EPHA3: variants seen among roughly 807,000 people sequenced by gnomAD.
EPHA3 encodes EPH receptor A3, also known as ephrin type-A receptor 3.
In EPHA3, 42 loss-of-function variants were observed where a neutral mutation model predicts 107.1. The ratio of observed to expected loss-of-function variants is 0.39; its 90% CI spans 0.31 to 0.51. The LOEUF is 0.51. EPHA3 is among the 20% of genes least tolerant of loss of function. The pLI, the probability that EPHA3 is intolerant of heterozygous loss-of-function variation, is 0.78. For synonymous variants in EPHA3, 461 were observed against 424.8 expected, an observed-to-expected ratio of 1.09 and a Z score of -1.05; for missense variants, 1,183 against 1,211.2, an observed-to-expected ratio of 0.98 and a Z score of 0.35.
intron 15 of EPHA3, among the ~76,000 whole-genome samples, chr3:89,452,872 C>T (rs377564808): frequency 9.2e-5 from 14 of 152,002 alleles, no homozygotes; most frequent in African/African-American, 3.4e-4. Flanking sequence ...TGCACATTAC[C>T]TGTTTTTTAC....
At chr3:89,320,906 C>G (rs1438527255) in intron 3 of EPHA3, among the ~76,000 whole-genome samples, 1 of 151,970 alleles carries the variant, frequency 6.6e-6, no homozygotes, top group Non-Finnish European at 1.5e-5. Context: ...ATTCCTAAGA[C>G]AGAATCAATA....
intron 5 of EPHA3, among the ~76,000 whole-genome samples, chr3:89,359,674 T>A (rs894644974): frequency 4.1e-5 from 3 of 73,164 alleles, no homozygotes; most frequent in African/African-American, 5.8e-5. Context: ...CATTATATAT[T>A]GTGTGTGTGT....
At chr3:89,205,988 T>G (rs1706093087) in intron 2 of EPHA3, among the ~76,000 whole-genome samples, 1 of 152,204 alleles carries the variant, frequency 6.6e-6, no homozygotes, top group African/African-American at 2.4e-5. Flanking sequence ...TAATGATTTT[T>G]TCTTGTTGCT....
chr3:89,471,844 T>C (rs1205375235), intron 15 of EPHA3, among the ~76,000 whole-genome samples: 1 of 152,166 alleles, frequency 6.6e-6, no homozygotes, highest in Non-Finnish European at 1.5e-5. Context: ...TGCATATATA[T>C]ATCATGAACT....
intron 5 of EPHA3, among the ~76,000 whole-genome samples, chr3:89,372,513 G>A (rs1458050481): frequency 1.3e-5 from 2 of 151,606 alleles, no homozygotes; most frequent in Non-Finnish European, 3.0e-5. Flanking sequence ...CCACTTCTAG[G>A]AATGCTCTTA....
At chr3:89,136,964 C>A (rs1704327640) in intron 2 of EPHA3, among the ~76,000 whole-genome samples, 2 of 151,780 alleles carry the variant, frequency 1.3e-5, no homozygotes, top group Admixed American at 6.6e-5. Context: ...GCACTAAGCT[C>A]TGTTTTGTTG....
intron 5 of EPHA3, among the ~76,000 whole-genome samples, chr3:89,381,660 C>T (rs981193703): frequency 5.9e-5 from 9 of 151,262 alleles, no homozygotes; most frequent in African/African-American, 1.2e-4. Context: ...CGGAGTGAGA[C>T]TTTGTCTCAA....
chr3:89,197,743 A>G (rs1423234888), intron 2 of EPHA3, among the ~76,000 whole-genome samples: 1 of 152,170 alleles, frequency 6.6e-6, no homozygotes, highest in African/African-American at 2.4e-5. Flanking sequence ...TGGGATGCCA[A>G]GACAGGTGGA....
intron 3 of EPHA3, among the ~76,000 whole-genome samples, chr3:89,332,779 C>T (rs1707316323): frequency 6.6e-6 from 1 of 152,124 alleles, no homozygotes; most frequent in Admixed American, 6.6e-5. Context: ...CTGGGAATTG[C>T]TAATATAGCC....
chr3:89,182,242 C>A (rs550457837), intron 2 of EPHA3, among the ~76,000 whole-genome samples: 8 of 151,996 alleles, frequency 5.3e-5, no homozygotes, highest in African/African-American at 1.9e-4. Context: ...CCCAACCATG[C>A]CTCCATGCTG....
intron 3 of EPHA3, among the ~76,000 whole-genome samples, chr3:89,243,943 A>G (rs558169126): frequency 1.3e-5 from 2 of 152,252 alleles, no homozygotes; most frequent in Admixed American, 6.5e-5. Context: ...GTACAAAAAT[A>G]TTTCCACTCA....
chr3:89,479,525 G>A lies in EPHA3; in HGVS notation c.*23G>A, dbSNP rs1710585305. 5.1e-6 allele frequency: 8 copies of A among 1,575,528 alleles called. No individual in the cohort carries two copies. Among genetic ancestry groups the A allele is most frequent in the Middle Eastern group, 3.4e-4 (2 of 5,852 alleles). The stretch of plus-strand genomic sequence containing the variant: ...TAAAGCACGGGACGGAAGTGCTTCT[G>A]GACGGAAGTGGTGGCTGTGGAAGGC... On this transcript the variant is annotated 3_prime_UTR_variant, in exon 17 of 17. Coordinates refer to ENST00000336596, the MANE Select transcript of EPHA3 (RefSeq NM_005233.6).
chr3:89,233,080 C>G (rs1704674503), intron 3 of EPHA3, among the ~76,000 whole-genome samples: 1 of 151,992 alleles, frequency 6.6e-6, no homozygotes, highest in Admixed American at 6.6e-5. Flanking sequence ...TGTCTAAATA[C>G]TTACGTTACA....
At chr3:89,299,779 G>A (rs1285466540) in intron 3 of EPHA3, among the ~76,000 whole-genome samples, 4 of 151,960 alleles carry the variant, frequency 2.6e-5, no homozygotes, top group Non-Finnish European at 4.4e-5. Flanking sequence ...AAAATGTATT[G>A]GGCAGGAGTT....
Position 89,180,454 on chromosome 3 carries a change from C to A in EPHA3, c.154-29406C>A, listed in dbSNP as rs556425994. Reference sequence around the variant, plus strand: ...TATGGTGTGTATATTTACTGACTGGCATGTGACAGGAACACTGGTTAGAAA... The same window carrying A: ...TATGGTGTGTATATTTACTGACTGGAATGTGACAGGAACACTGGTTAGAAA... On this transcript the variant is annotated intron_variant, in intron 2 of 16. Transcript: ENST00000336596. Among the ~76,000 whole-genome samples the A allele has an allele frequency of 3.3e-5, 5 of 152,090 alleles. No individual in the cohort carries two copies. In the East Asian group the frequency reaches 9.7e-4, roughly 29 times the overall value.
chr3:89,124,040 C>T (rs780617360), intron 1 of EPHA3, among the ~76,000 whole-genome samples: 2 of 152,128 alleles, frequency 1.3e-5, no homozygotes, highest in Non-Finnish European at 2.9e-5. Context: ...CAGATTTTAT[C>T]ATTGCGAACT....
chr3:89,442,037 C>T (rs1709795998), intron 13 of EPHA3, among the ~76,000 whole-genome samples: 1 of 151,974 alleles, frequency 6.6e-6, no homozygotes, highest in Non-Finnish European at 1.5e-5. Flanking sequence ...TACTAAAATG[C>T]TTGGTTACTT....
rs1029574729 is a variant in EPHA3, at chr3:89,355,486, A to G, written c.1306+13396A>G. Among the ~76,000 whole-genome samples the G allele has an allele frequency of 1.5e-4, 22 of 151,564 alleles. 2 individuals are homozygous for G. Among genetic ancestry groups the G allele is most frequent in the Non-Finnish European group, 2.7e-4 (18 of 67,640 alleles). ...GGAACAGGACAGTAGCAAAAGTCCA[A>G]TTGTAAATTCAGGTACTGTCACTTA... On this transcript the variant is annotated intron_variant, in intron 5 of 16. Transcript: ENST00000336596.
intron 3 of EPHA3, among the ~76,000 whole-genome samples, chr3:89,214,295 A>G (rs942427111): frequency 1.3e-5 from 2 of 152,012 alleles, no homozygotes; most frequent in African/African-American, 4.8e-5. Context: ...CAAAATGGCC[A>G]GTGGATGTAT....
Sources: gnomAD v4.1 joint callset for allele counts (sites outside exome capture counted in the v4.1 genomes callset) on GRCh38, gnomAD v4.1.1 for gene constraint, MANE v1.5 for transcripts, NCBI Gene and HGNC (gene_info 2026-07-23, HGNC 2026-07-21) for gene names.